The following CARMIL1 variants were observed in gnomAD, a reference collection of about 807,000 sequenced individuals.
CARMIL1 encodes the protein capping protein regulator and myosin 1 linker 1, also known as F-actin-uncapping protein LRRC16A.
Under a neutral mutation model 177.1 loss-of-function variants are expected in CARMIL1, and 90 were observed. The ratio of observed to expected loss-of-function variants is 0.51; its 90% confidence interval spans 0.43 to 0.61. The LOEUF (loss-of-function observed/expected upper bound fraction) is 0.61. CARMIL1 is among the 20% of genes least tolerant of loss of function. The pLI, the probability that CARMIL1 is intolerant of heterozygous loss-of-function variation, is 0.00. For synonymous variants in CARMIL1, 577 were observed against 606.2 expected, an observed-to-expected ratio of 0.95 and a Z score of 0.71; for missense variants, 1,380 against 1,667.0, an observed-to-expected ratio of 0.83 and a Z score of 3.00.
At chr6:25,539,689 A>G (rs945254828) in intron 25 of CARMIL1, among the ~76,000 whole-genome samples, 9 of 151,582 alleles carry the variant, frequency 5.9e-5, no homozygotes, top group Non-Finnish European at 1.3e-4. Context: ...TGTGGTTTCA[A>G]AGCTGCTTAA....
At chr6:25,411,796 C>T (rs931851994) in intron 2 of CARMIL1, among the ~76,000 whole-genome samples, 2 of 152,130 alleles carry the variant, frequency 1.3e-5, no homozygotes, top group African/African-American at 2.4e-5. Context: ...ACTTCTTGAC[C>T]GCCTATTGAA....
intron 2 of CARMIL1, among the ~76,000 whole-genome samples, chr6:25,413,511 T>C (rs1795097362): frequency 6.6e-6 from 1 of 152,222 alleles, no homozygotes; most frequent in Non-Finnish European, 1.5e-5. Flanking sequence ...CATATCTCCA[T>C]AAGAAAACAT....
chr6:25,450,740 T>G (rs4712940), intron 8 of CARMIL1, 29 bp downstream of exon 8: 1 of 1,318,724 alleles, frequency 7.6e-7, no homozygotes, highest in Non-Finnish European at 1.0e-6. Context: ...TCTTTCCTCC[T>G]TTCCTCCCTC....
intron 2 of CARMIL1, among the ~76,000 whole-genome samples, chr6:25,409,371 A>G (rs1283527230): frequency 2.0e-5 from 3 of 152,146 alleles, no homozygotes; most frequent in Non-Finnish European, 2.9e-5. Context: ...GGCTCCTTTT[A>G]TATTAGTATC....
intron 26 of CARMIL1, among the ~76,000 whole-genome samples, chr6:25,548,149 C>T (rs1250780289): frequency 2.0e-5 from 3 of 152,198 alleles, no homozygotes; most frequent in Admixed American, 6.5e-5. Context: ...TCAGCATCTA[C>T]CAGATACTTC....
In CARMIL1 at chr6:25,540,004, C is replaced by G. The variant is rs1254529789; in HGVS notation, c.2254C>G (p.Leu752Val). The G allele has an allele frequency of 4.4e-6, 7 of 1,608,062 alleles. No homozygotes were observed. The highest frequency in any genetic ancestry group is 5.9e-6 in the Non-Finnish European group (7 of 1,177,404). The change falls in exon 26 of 37, where the codon CTA becomes GTA. Residue 752 changes from leucine to valine, a missense_variant. By Grantham distance (32) the Leu-to-Val change is conservative. Coordinates refer to ENST00000329474, the MANE Select transcript of CARMIL1 (RefSeq NM_017640.6). The part of the protein sequence containing the change: ...GASWAGASGL[L>V]SSPIQETLES... Reference sequence around the variant, plus strand: ...ATCTTGGGCGGGAGCCAGTGGCTTACTATCCAGTCCAATTCAGGAGACCCT... The same window carrying G: ...ATCTTGGGCGGGAGCCAGTGGCTTAGTATCCAGTCCAATTCAGGAGACCCT...
intron 8 of CARMIL1, among the ~76,000 whole-genome samples, chr6:25,457,596 A>G (rs866878252): frequency 5.3e-5 from 8 of 152,340 alleles, no homozygotes; most frequent in African/African-American, 1.9e-4. Context: ...AAAAGTCTCA[A>G]TTATTCCCAG....
At chr6:25,523,201 G>A (rs1005970134) in intron 23 of CARMIL1, among the ~76,000 whole-genome samples, 1 of 152,136 alleles carries the variant, frequency 6.6e-6, no homozygotes, top group African/African-American at 2.4e-5. Flanking sequence ...TTTGAATTTA[G>A]AATATCTGAC....
intron 1 of CARMIL1, among the ~76,000 whole-genome samples, chr6:25,283,860 C>T (rs2690053): frequency 0.049 from 7,202 of 147,320 alleles, 523 homozygotes; most frequent in African/African-American, 0.16. Flanking sequence ...ATTACAGGCA[C>T]GCACCACCAC....
chr6:25,384,780 A>C (rs1486793705), intron 2 of CARMIL1, among the ~76,000 whole-genome samples: 1 of 152,174 alleles, frequency 6.6e-6, no homozygotes, highest in East Asian at 1.9e-4. Flanking sequence ...TTACTTGATG[A>C]CTATAAATTC....
At chr6:25,504,942 C>T (rs1170734738) in intron 17 of CARMIL1, among the ~76,000 whole-genome samples, 2 of 152,158 alleles carry the variant, frequency 1.3e-5, no homozygotes, top group East Asian at 1.9e-4. Context: ...TCTGGTACAA[C>T]GTCACTACTC....
chr6:25,345,643 G>A (rs372284033), intron 2 of CARMIL1, among the ~76,000 whole-genome samples: 3 of 152,082 alleles, frequency 2.0e-5, no homozygotes, highest in Non-Finnish European at 4.4e-5. Context: ...TTGAGACAGA[G>A]TCTCCCTCTG....
intron 2 of CARMIL1, among the ~76,000 whole-genome samples, chr6:25,316,315 T>C (rs1784265877): frequency 6.6e-6 from 1 of 152,134 alleles, no homozygotes; most frequent in African/African-American, 2.4e-5. Flanking sequence ...AGAAACACTG[T>C]CCTTTCAGTC....
intron 15 of CARMIL1, among the ~76,000 whole-genome samples, chr6:25,492,536 A>G (rs1218745396): frequency 1.3e-5 from 2 of 152,214 alleles, no homozygotes; most frequent in African/African-American, 4.8e-5. Flanking sequence ...GCAACTTAGA[A>G]TGCAAAGAGA....
At chr6:25,501,955 A>G (rs1417939417) in intron 17 of CARMIL1, among the ~76,000 whole-genome samples, 2 of 151,578 alleles carry the variant, frequency 1.3e-5, no homozygotes, top group African/African-American at 4.8e-5. Context: ...TTGTTTTGAA[A>G]AAAGAAAAGC....
At chr6:25,470,657 C>T (rs2150937847) in intron 9 of CARMIL1, among the ~76,000 whole-genome samples, 1 of 152,158 alleles carries the variant, frequency 6.6e-6, no homozygotes, top group Non-Finnish European at 1.5e-5. Context: ...CAGAGAAGTC[C>T]AAGATCAAGG....
At chr6:25,574,412 C>T (rs1321572468) in intron 29 of CARMIL1, among the ~76,000 whole-genome samples, 1 of 152,210 alleles carries the variant, frequency 6.6e-6, no homozygotes, top group African/African-American at 2.4e-5. Context: ...GAGCTTCTCT[C>T]TCTTATTCAC....
At chr6:25,530,836 TAAGCTGCAGGGTTAAGGGATTGGCGTGTC>T (rs1807693448) in intron 24 of CARMIL1, among the ~76,000 whole-genome samples, 1 of 152,194 alleles carries the variant, frequency 6.6e-6, no homozygotes, top group East Asian at 1.9e-4. Flanking sequence ...AAATCTACTT[TAAGCTGCAGGGTTAAGGGATTGGCGTGTC>T]TTTCTCTGGG....
Position 25,530,192 on chromosome 6 carries a change from GA to G in CARMIL1, c.2067+1311del, listed in dbSNP as rs1171000372. On this transcript the variant is annotated intron_variant, in intron 24 of 36. Transcript: ENST00000329474. Reference sequence around the variant, plus strand: ...GGAATCTCAGAACACCTAGAATACAGAAAAAAAAAAAATCTTAAAGCGTTCC... The same window carrying G: ...GGAATCTCAGAACACCTAGAATACAGAAAAAAAAAAATCTTAAAGCGTTCC... Among the ~76,000 whole-genome samples, 968 of 137,248 alleles carry G rather than the reference GA, an allele frequency of 7.1e-3. 5 individuals are homozygous for G. The highest frequency in any genetic ancestry group is 0.018 in the African/African-American group (677 of 37,732). 90.0% of individuals were successfully genotyped at this position (137,248 alleles called of 152,430 possible). A position where few individuals can be genotyped will look rare whatever the true frequency, so the allele number is the denominator to read the frequency against.
Sources: gnomAD v4.1 joint callset for allele counts (sites outside exome capture counted in the v4.1 genomes callset) on GRCh38, gnomAD v4.1.1 for gene constraint, MANE v1.5 for transcripts, NCBI Gene and HGNC (gene_info 2026-07-23, HGNC 2026-07-21) for gene names.